The following UBASH3A variants were observed in gnomAD, a reference collection of about 807,000 sequenced individuals.
UBASH3A encodes ubiquitin associated and SH3 domain containing A.
Under a neutral mutation model 73.5 loss-of-function variants are expected in UBASH3A, and 63 were observed. The observed-to-expected ratio is 0.86, with a 90% CI of 0.70 to 1.06. The LOEUF (loss-of-function observed/expected upper bound fraction) is 1.06. Ranked by LOEUF, UBASH3A falls within the 50% of genes least tolerant of loss-of-function variation. The probability of loss-of-function intolerance (pLI) is 0.00; values close to 1 mark genes in which losing one functional copy is unlikely to be tolerated. For missense variants in UBASH3A, 860 were observed against 859.0 expected (o/e 1.00, Z -0.02); for synonymous variants, 363 against 351.1 (o/e 1.03, Z -0.38).
At chr21:42,429,546 G>T (rs1236188715) in intron 8 of UBASH3A, among the ~76,000 whole-genome samples, 1 of 152,204 alleles carries the variant, frequency 6.6e-6, no homozygotes, top group Non-Finnish European at 1.5e-5. Flanking sequence ...CAGGGACTTT[G>T]TTACTAGGCA....
rs796939696 is a variant in UBASH3A, at chr21:42,417,878, C to CTTTTTTTTTTTTTTTTTTTTTT, written c.838-522_838-501dup. On this transcript the variant is annotated intron_variant, in intron 6 of 14. Transcript: ENST00000319294. Reference sequence around the variant, plus strand: ...GTATCTCTTTTTTTTTTCTTTTTTTCTTTTTTTTTTTTTTTTTTTTTTGAG... The same window carrying CTTTTTTTTTTTTTTTTTTTTTT: ...GTATCTCTTTTTTTTTTCTTTTTTTCTTTTTTTTTTTTTTTTTTTTTTTTTTTTTTTTTTTTTTTTTTTTGAG... Among the ~76,000 whole-genome samples, 30 of 90,616 alleles carry CTTTTTTTTTTTTTTTTTTTTTT rather than the reference C, an allele frequency of 3.3e-4. 1 individual carries two copies. The highest frequency in any genetic ancestry group is 8.6e-4 in the South Asian group (2 of 2,334). 59.4% of individuals were successfully genotyped at this position (90,616 alleles called of 152,430 possible). A position where few individuals can be genotyped will look rare whatever the true frequency, so the allele number is the denominator to read the frequency against.
Position 42,426,684 on chromosome 21 carries a change from C to T in UBASH3A, c.1047-13C>T. 6.2e-7 allele frequency: 1 copy of T among 1,613,016 alleles called. No individual in the cohort carries two copies. Among genetic ancestry groups the T allele is most frequent in the Non-Finnish European group, 8.5e-7 (1 of 1,179,436 alleles). Reference sequence around the variant, plus strand: ...CTCACTTCTGTTCAAGCCGTGCTTTCCTTCCCCTGCAGGATGTACACCTTC... The same window carrying T: ...CTCACTTCTGTTCAAGCCGTGCTTTTCTTCCCCTGCAGGATGTACACCTTC... On this transcript the variant is annotated splice_polypyrimidine_tract_variant and intron_variant, in intron 7 of 14. Coordinates refer to ENST00000319294, the MANE Select transcript of UBASH3A (RefSeq NM_018961.4).
chr21:42,441,727 G>C (rs922133842), intron 11 of UBASH3A, among the ~76,000 whole-genome samples: 3 of 152,248 alleles, frequency 2.0e-5, no homozygotes, highest in African/African-American at 7.2e-5. Flanking sequence ...TGATTAACTT[G>C]CTTTAACTCT....
intron 9 of UBASH3A, among the ~76,000 whole-genome samples, chr21:42,433,636 T>G (rs1029697822): frequency 1.3e-4 from 20 of 152,208 alleles, no homozygotes; most frequent in Admixed American, 6.5e-4. Flanking sequence ...TGATGGACTT[T>G]CTCTCTGATT....
intron 6 of UBASH3A, chr21:42,417,442 A>T (rs1398459973): frequency 6.8e-6 from 1 of 147,652 alleles, no homozygotes; most frequent in African/African-American, 2.5e-5. Context: ...AAAAAAAAAA[A>T]AGACAGAAAG....
intron 3 of UBASH3A, among the ~76,000 whole-genome samples, chr21:42,411,866 T>C (rs2053105495): frequency 6.6e-6 from 1 of 152,204 alleles, no homozygotes; most frequent in Non-Finnish European, 1.5e-5. Context: ...AATGGACATG[T>C]GTTCACTGGG....
intron 7 of UBASH3A, among the ~76,000 whole-genome samples, chr21:42,424,305 A>T (rs1226045861): frequency 2.0e-5 from 3 of 152,158 alleles, no homozygotes; most frequent in African/African-American, 7.2e-5. Flanking sequence ...TGCAGCTCTG[A>T]TGAATAGTAC....
At chr21:42,438,550 G>C (rs2053669907) in intron 11 of UBASH3A, among the ~76,000 whole-genome samples, 1 of 152,180 alleles carries the variant, frequency 6.6e-6, no homozygotes, top group Non-Finnish European at 1.5e-5. Context: ...CCGGGAGTAG[G>C]TGGAGAGTGG....
intron 5 of UBASH3A, among the ~76,000 whole-genome samples, chr21:42,414,580 GA>G (rs1376592375): frequency 6.6e-6 from 1 of 152,180 alleles, no homozygotes; most frequent in Non-Finnish European, 1.5e-5. Flanking sequence ...GATTGGTTGG[GA>G]GGAGGTCACA....
intron 2 of UBASH3A, among the ~76,000 whole-genome samples, chr21:42,407,867 A>G (rs2053009953): frequency 6.6e-6 from 1 of 152,250 alleles, no homozygotes. Context: ...TCAATGCGGG[A>G]ATGAACAAGT....
At chr21:42,435,244 A>C in intron 10 of UBASH3A, 1 of 219,806 alleles carries the variant, frequency 4.5e-6, no homozygotes, top group Non-Finnish European at 8.9e-6. Context: ...ATCAACAACC[A>C]AGGAGCTCCA....
chr21:42,425,666 G>T (rs2053421564), intron 7 of UBASH3A, among the ~76,000 whole-genome samples: 1 of 152,072 alleles, frequency 6.6e-6, no homozygotes, highest in South Asian at 2.1e-4. Flanking sequence ...GACAGGGCAG[G>T]TAATAGTGTG....
intron 11 of UBASH3A, among the ~76,000 whole-genome samples, chr21:42,438,012 A>G (rs1211023719): frequency 6.6e-6 from 1 of 152,242 alleles, no homozygotes; most frequent in Non-Finnish European, 1.5e-5. Context: ...GATGTGTGTC[A>G]GGAAGTCCTG....
At chr21:42,420,035 T>C (rs1240264909) in intron 7 of UBASH3A, among the ~76,000 whole-genome samples, 1 of 152,188 alleles carries the variant, frequency 6.6e-6, no homozygotes, top group African/African-American at 2.4e-5. Flanking sequence ...ACATCCACTG[T>C]TTGTTAGAGT....
intron 10 of UBASH3A, 57 bp from the exon 11 acceptor site, chr21:42,437,431 G>T (rs1354158821): frequency 6.0e-6 from 9 of 1,511,430 alleles, no homozygotes; most frequent in Non-Finnish European, 8.3e-6. Context: ...TGGCTCATCT[G>T]CCATCAGAGG....
chr21:42,431,639 C>G (rs2053533555), intron 8 of UBASH3A, among the ~76,000 whole-genome samples: 1 of 152,214 alleles, frequency 6.6e-6, no homozygotes, highest in Non-Finnish European at 1.5e-5. Flanking sequence ...AAAAGGACGG[C>G]CCCTCAACAG....
chr21:42,427,664 G>C (rs569657435), intron 8 of UBASH3A, among the ~76,000 whole-genome samples: 1 of 152,180 alleles, frequency 6.6e-6, no homozygotes, highest in Admixed American at 6.5e-5. Flanking sequence ...CCATCAGATT[G>C]TTGGAAGGAT....
intron 7 of UBASH3A, 28 bp from the exon 8 acceptor site, chr21:42,426,669 T>C (rs918017879): frequency 6.2e-7 from 1 of 1,612,074 alleles, no homozygotes; most frequent in Non-Finnish European, 8.5e-7. Context: ...CTCACTTCTG[T>C]TCAAGCCGTG....
At chr21:42,406,400 GCTGAATTCC>G (rs1259258314) in intron 2 of UBASH3A, 39 bp downstream of exon 2, 1 of 1,572,950 alleles carries the variant, frequency 6.4e-7, no homozygotes, top group East Asian at 2.2e-5. Context: ...GGGCGTTTGG[GCTGAATTCC>G]CTGTGCCTAA....
Sources: allele counts gnomAD v4.1 joint callset (sites outside exome capture counted in the v4.1 genomes callset), GRCh38; gene constraint gnomAD v4.1.1; transcripts MANE v1.5; gene names NCBI Gene and HGNC (gene_info 2026-07-23, HGNC 2026-07-21).